Variants in TMEFF1 observed in about 807,000 individuals in gnomAD.
TMEFF1 encodes the protein tomoregulin-1.
TMEFF1 carries 20 observed loss-of-function variants against 47.5 expected under a neutral mutation model. The observed-to-expected ratio is 0.42, with a 90% CI of 0.30 to 0.61. The LOEUF (loss-of-function observed/expected upper bound fraction) is 0.61. Among genes scored for constraint, TMEFF1 ranks in the 20% least tolerant of loss-of-function variants. TMEFF1 has a pLI of 0.19. For synonymous variants in TMEFF1, 162 were observed against 166.3 expected (o/e 0.97, Z 0.20); for missense variants, 411 against 471.1 (o/e 0.87, Z 1.18).
intron 1 of TMEFF1, among the ~76,000 whole-genome samples, chr9:100,484,806 C>T (rs1837418400): frequency 1.3e-5 from 2 of 151,384 alleles, no homozygotes; most frequent in Non-Finnish European, 2.9e-5. Context: ...TCTCATACCT[C>T]GGCATGAGAT....
In TMEFF1 at chr9:100,473,383, C is replaced by A; in HGVS notation, c.-162C>A. On this transcript the variant is annotated 5_prime_UTR_variant, in exon 1 of 10. The change creates a new upstream start codon in the 5' untranslated region. Transcript: ENST00000374879. This position sits in a 1 kb window ranked among gnomAD's most constrained non-coding sequence, Gnocchi z 5.4. ...CGTCCCGAGCGCCGCGGGCCCGGGC[C>A]TGGCGGACGCTGCGGGTGGGGCGGG... 2.2e-6 allele frequency: 1 copy of A among 450,190 alleles called. No individual in the cohort carries two copies. Among genetic ancestry groups the A allele is most frequent in the Non-Finnish European group, 3.4e-6 (1 of 297,366 alleles). 27.9% of individuals were successfully genotyped at this position (450,190 alleles called of 1,614,324 possible).
intron 1 of TMEFF1, among the ~76,000 whole-genome samples, chr9:100,484,495 T>C (rs1436930404): frequency 6.6e-6 from 1 of 152,012 alleles, no homozygotes; most frequent in African/African-American, 2.4e-5. Context: ...ATTTTTTTGT[T>C]TTTAGTAGAG....
At chr9:100,533,687 A>G (rs928001866) in intron 5 of TMEFF1, among the ~76,000 whole-genome samples, 2 of 151,482 alleles carry the variant, frequency 1.3e-5, no homozygotes, top group African/African-American at 4.9e-5. Flanking sequence ...AACTTTTTAA[A>G]TGGATGCTTA....
rs375573050 is a variant in TMEFF1, at chr9:100,575,096, A to G, written c.1059-1420A>G. On this transcript the variant is annotated intron_variant, in intron 9 of 9. Transcript: ENST00000374879. ...ATTTCCTCCCCTAGAATGTCTTGCTATCTTGGATTTAGAACATTTATGTAC... is the reference window on the plus strand; with the variant it reads ...ATTTCCTCCCCTAGAATGTCTTGCTGTCTTGGATTTAGAACATTTATGTAC... Among the ~76,000 whole-genome samples the G allele has an allele frequency of 3.9e-4, 60 of 152,222 alleles. No homozygotes were observed. In the East Asian group the frequency reaches 4.6e-3, roughly 12 times the overall value.
intron 9 of TMEFF1, among the ~76,000 whole-genome samples, chr9:100,574,629 G>A (rs1462793973): frequency 4.6e-5 from 7 of 151,990 alleles, no homozygotes; most frequent in African/African-American, 1.2e-4. Context: ...CACCTGCCTC[G>A]GTCTCGCAAA....
chr9:100,527,317 C>T (rs567549360), intron 5 of TMEFF1, among the ~76,000 whole-genome samples: 3 of 152,292 alleles, frequency 2.0e-5, no homozygotes, highest in South Asian at 2.1e-4. Context: ...TCTGCATTTC[C>T]ATCTGAGGTA....
At position 100,473,516 on chromosome 9, in the gene TMEFF1, G is replaced by T. The variant is rs769138370; in HGVS notation, c.-29G>T. 2 of 1,390,972 alleles carry T rather than the reference G, an allele frequency of 1.4e-6. No homozygotes were observed. The highest frequency in any genetic ancestry group is 1.5e-5 in the African/African-American group (1 of 65,770). The allele number at this position is 1,390,972 out of a possible 1,614,324, so 86.2% of individuals were successfully genotyped here. ...GGATGCCCCCGGCCTGCGGCTCCCT[G>T]CGCTTCCCGCCGTCCAGGGGCACCA... is the stretch of plus-strand genomic sequence containing the variant. On this transcript the variant is annotated 5_prime_UTR_variant, in exon 1 of 10. Coordinates refer to ENST00000374879, the MANE Select transcript of TMEFF1 (RefSeq NM_003692.5). The surrounding 1 kb of genome is among the most constrained non-coding windows in gnomAD (Gnocchi z 5.4).
chr9:100,553,390 G>A (rs1050545065), intron 7 of TMEFF1, among the ~76,000 whole-genome samples: 1 of 152,192 alleles, frequency 6.6e-6, no homozygotes, highest in South Asian at 2.1e-4. Flanking sequence ...CCAAGATTGG[G>A]TAGGTAAGGC....
chr9:100,566,692 CCTTTTTTCTTTTTT>C (rs376631095), intron 8 of TMEFF1, among the ~76,000 whole-genome samples: 1 of 151,928 alleles, frequency 6.6e-6, no homozygotes, highest in Admixed American at 6.6e-5. Context: ...AGTGCCCCCG[CCTTTTTTCTTTTTT>C]CTTTTTTCTT....
At position 100,473,773 on chromosome 9, in the gene TMEFF1, C is replaced by A; in HGVS notation, c.196+33C>A. On this transcript the variant is annotated intron_variant, in intron 1 of 9. Transcript: ENST00000374879. This position sits in a 1 kb window ranked among gnomAD's most constrained non-coding sequence, Gnocchi z 5.4. Reference sequence around the variant, plus strand: ...CGGTCGGAGCCGGCCCTAGGTCTTCCCACCCCTCCGTTGCCGCCTCCCTCG... The same window carrying A: ...CGGTCGGAGCCGGCCCTAGGTCTTCACACCCCTCCGTTGCCGCCTCCCTCG... 1 of 1,442,506 alleles carries A rather than the reference C, an allele frequency of 6.9e-7. No homozygotes were observed. Among genetic ancestry groups the A allele is most frequent in the Non-Finnish European group, 9.2e-7 (1 of 1,088,080 alleles). The allele number at this position is 1,442,506 out of a possible 1,614,324, so 89.4% of individuals were successfully genotyped here. A position where few individuals can be genotyped will look rare whatever the true frequency, so the allele number is the denominator to read the frequency against.
intron 5 of TMEFF1, among the ~76,000 whole-genome samples, chr9:100,536,623 A>T (rs1422538321): frequency 2.0e-5 from 3 of 152,190 alleles, no homozygotes; most frequent in Non-Finnish European, 4.4e-5. Context: ...TCTCTTGATT[A>T]TTAACTTTAT....
chr9:100,555,150 A>G (rs1838892653), intron 7 of TMEFF1, among the ~76,000 whole-genome samples: 1 of 149,660 alleles, frequency 6.7e-6, no homozygotes, highest in Admixed American at 6.7e-5. Context: ...TACTTTTTAT[A>G]TTGTACACAC....
At chr9:100,492,726 A>G (rs1176177544) in intron 1 of TMEFF1, among the ~76,000 whole-genome samples, 1 of 152,204 alleles carries the variant, frequency 6.6e-6, no homozygotes, top group East Asian at 1.9e-4. Flanking sequence ...CAGAAGTGTC[A>G]ACTGCTCTAG....
chr9:100,564,481 C>G (rs574719226), intron 8 of TMEFF1, among the ~76,000 whole-genome samples: 1 of 152,282 alleles, frequency 6.6e-6, no homozygotes, highest in Admixed American at 6.5e-5. Flanking sequence ...GGGATCTTGC[C>G]TTTAAAAAGC....
intron 7 of TMEFF1, among the ~76,000 whole-genome samples, chr9:100,553,760 A>G (rs1564026239): frequency 6.6e-6 from 1 of 152,238 alleles, no homozygotes; most frequent in Non-Finnish European, 1.5e-5. Context: ...TCATATATCC[A>G]GTACCCACCT....
chr9:100,523,036 C>T (rs1397361745), intron 5 of TMEFF1, among the ~76,000 whole-genome samples: 1 of 152,212 alleles, frequency 6.6e-6, no homozygotes, highest in Admixed American at 6.5e-5. Context: ...CCACGCCCAG[C>T]CCAGAAATAC....
chr9:100,513,423 A>G, intron 4 of TMEFF1, 90 bp downstream of exon 4: 1 of 1,445,492 alleles, frequency 6.9e-7, no homozygotes, highest in Non-Finnish European at 9.2e-7. Flanking sequence ...ATCAGCTTTG[A>G]GATATAATTC....
At chr9:100,501,928 C>G (rs959150109) in intron 2 of TMEFF1, among the ~76,000 whole-genome samples, 1 of 152,174 alleles carries the variant, frequency 6.6e-6, no homozygotes, top group Non-Finnish European at 1.5e-5. Flanking sequence ...CAGGCATGAG[C>G]CACCGCGCCT....
chr9:100,476,420 A>C lies in TMEFF1; in HGVS notation c.196+2680A>C, dbSNP rs191648591. On this transcript the variant is annotated intron_variant, in intron 1 of 9. Transcript: ENST00000374879. ...TGTCATGTTTTTTTTTTTGAGATGGAGTCTCACTTTGTCACCCAGGCTAGA... is the reference window on the plus strand; with the variant it reads ...TGTCATGTTTTTTTTTTTGAGATGGCGTCTCACTTTGTCACCCAGGCTAGA... Among the ~76,000 whole-genome samples, 456 of 151,730 alleles carry C rather than the reference A, an allele frequency of 3.0e-3. 2 individuals carry two copies. The highest frequency in any genetic ancestry group is 0.011 in the African/African-American group (442 of 41,348).
Sources: allele counts gnomAD v4.1 joint callset (sites outside exome capture counted in the v4.1 genomes callset), GRCh38; gene constraint gnomAD v4.1.1; non-coding constraint Gnocchi (gnomAD v3.1); transcripts MANE v1.5; gene names NCBI Gene and HGNC (gene_info 2026-07-23, HGNC 2026-07-21).